Variants in PXDN observed in about 807,000 individuals in gnomAD.
The protein encoded by PXDN is peroxidasin.
PXDN carries 77 observed loss-of-function variants against 140.3 expected under a neutral mutation model. That is an observed-to-expected ratio of 0.55 (90% confidence interval 0.46 to 0.66). The LOEUF is 0.66. PXDN is among the 30% of genes least tolerant of loss of function. The probability of loss-of-function intolerance (pLI) is 0.00; values close to 1 mark genes in which losing one functional copy is unlikely to be tolerated. For missense variants in PXDN, 1,838 were observed against 2,039.5 expected, an observed-to-expected ratio of 0.90 and a Z score of 1.90; for synonymous variants, 911 against 857.4, an observed-to-expected ratio of 1.06 and a Z score of -1.09.
chr2:1,716,440 GAAAAAAAAAAAAAAAAAAAAA>G (rs550784477), intron 1 of PXDN, among the ~76,000 whole-genome samples: 1 of 58,196 alleles, frequency 1.7e-5, no homozygotes, highest in Admixed American at 2.3e-4. Context: ...TCCATCTCAG[GAAAAAAAAAAAAAAAAAAAAA>G]AAAAAAAAAC....
chr2:1,672,084 T>C (rs939666838), intron 9 of PXDN: 8 of 152,236 alleles, frequency 5.3e-5, no homozygotes, highest in Admixed American at 3.3e-4. Flanking sequence ...CAGGCTGCAG[T>C]GTGTCAGCCT....
chr2:1,708,937 AAC>A (rs1370869096), intron 1 of PXDN, among the ~76,000 whole-genome samples: 3 of 152,142 alleles, frequency 2.0e-5, no homozygotes, highest in Admixed American at 1.3e-4. Flanking sequence ...CTGGCTCCAA[AAC>A]ACAGTCCTGC....
intron 4 of PXDN, among the ~76,000 whole-genome samples, chr2:1,686,459 T>G (rs1281324438): frequency 6.6e-6 from 1 of 152,118 alleles, no homozygotes; most frequent in African/African-American, 2.4e-5. Context: ...AAAATAACAC[T>G]GGACTCACCC....
chr2:1,682,789 A>C (rs1386384711), intron 6 of PXDN, among the ~76,000 whole-genome samples: 1 of 152,036 alleles, frequency 6.6e-6, no homozygotes, highest in Non-Finnish European at 1.5e-5. Flanking sequence ...AAAATACCAA[A>C]ATTAGCCAGG....
At chr2:1,642,804 G>A (rs935392157) in intron 19 of PXDN, among the ~76,000 whole-genome samples, 8 of 152,314 alleles carry the variant, frequency 5.3e-5, no homozygotes, top group African/African-American at 1.9e-4. Flanking sequence ...GCACTCCAGG[G>A]CACGAGTGCC....
At chr2:1,732,388 C>T (rs1386645106) in intron 1 of PXDN, among the ~76,000 whole-genome samples, 3 of 152,092 alleles carry the variant, frequency 2.0e-5, no homozygotes, top group Non-Finnish European at 4.4e-5. Flanking sequence ...AAAGAGCCAC[C>T]CAAATGGAGT....
Position 1,744,372 on chromosome 2 carries a change from C to T in PXDN, c.84G>A (p.Val28=). The T allele has an allele frequency of 6.5e-7, 1 of 1,526,766 alleles. No individual in the cohort carries two copies. The highest frequency in any genetic ancestry group is 1.2e-5 in the South Asian group (1 of 83,172). 94.6% of individuals were successfully genotyped at this position (1,526,766 alleles called of 1,614,324 possible). Reference sequence around the variant, plus strand: ...GACACCCTGCGCCCGGCTTCTGGGCCACCACGGCCAGCGTCCCCCAGGCGC... The same window carrying T: ...GACACCCTGCGCCCGGCTTCTGGGCTACCACGGCCAGCGTCCCCCAGGCGC... ...LFCAWGTLAV[V]AQKPGAGCPS... Residue 28 remains valine (V), a synonymous_variant, in exon 1 of 23, where the codon GTG becomes GTA. Transcript: ENST00000252804.
Position 1,648,306 on chromosome 2 carries a change from G to A in PXDN, c.3474C>T (p.Asn1158=). The stretch of plus-strand genomic sequence containing the variant: ...TCCCGTGGTCCCGGCCCCGCTGGAT[G>A]TTGATGGCCGCCAGGTCCAGAGCCA... The part of the protein sequence containing the change: ...HTVALDLAAI[N]IQRGRDHGIP... Residue 1158 remains asparagine (N), a synonymous_variant, in exon 17 of 23, where the codon AAC becomes AAT. Coordinates refer to ENST00000252804, the MANE Select transcript of PXDN (RefSeq NM_012293.3). This position sits in a 1 kb window ranked among gnomAD's most constrained non-coding sequence, Gnocchi z 8.9. 2 of 1,613,920 alleles carry A rather than the reference G, an allele frequency of 1.2e-6. No homozygotes were observed. The highest frequency in any genetic ancestry group is 1.7e-6 in the Non-Finnish European group (2 of 1,179,892).
chr2:1,634,414 G>A, intron 22 of PXDN, 91 bp from the exon 23 acceptor site: 5 of 1,462,784 alleles, frequency 3.4e-6, no homozygotes, highest in Non-Finnish European at 1.8e-6. Flanking sequence ...TGTCAGCCAC[G>A]GCCATGAGTC....
At position 1,664,922 on chromosome 2, in the gene PXDN, C is replaced by G. The variant is rs542259278; in HGVS notation, c.1408+36G>C. 8 of 1,501,240 alleles carry G rather than the reference C, an allele frequency of 5.3e-6. No homozygotes were observed. The South Asian group carries it at 7.0e-5, about 13-fold the overall frequency. 93.0% of individuals were successfully genotyped at this position (1,501,240 alleles called of 1,614,324 possible). ...TGTGTGCTTCCTGCGTCTGTGGCCG[C>G]GGAGGGAGCAGGCAAAGGGCCGGCC... On this transcript the variant is annotated intron_variant, in intron 11 of 22. Coordinates refer to ENST00000252804, the MANE Select transcript of PXDN (RefSeq NM_012293.3).
intron 9 of PXDN, among the ~76,000 whole-genome samples, chr2:1,672,510 C>T (rs1683600265): frequency 6.6e-6 from 1 of 152,202 alleles, no homozygotes; most frequent in African/African-American, 2.4e-5. Flanking sequence ...GTCTTAACTT[C>T]TCTGCACAGG....
chr2:1,727,865 G>T (rs12714327), intron 1 of PXDN, among the ~76,000 whole-genome samples: 56,835 of 152,114 alleles, frequency 0.37, 11,902 homozygotes, highest in Admixed American at 0.49. Context: ...CTCCCCTAAA[G>T]AAGATTGGTT....
At chr2:1,692,243 C>T (rs1211475975) in intron 2 of PXDN, among the ~76,000 whole-genome samples, 1 of 152,322 alleles carries the variant, frequency 6.6e-6, no homozygotes, top group South Asian at 2.1e-4. Context: ...TTTGATACAG[C>T]GGAGAAAAAA....
intron 6 of PXDN, among the ~76,000 whole-genome samples, chr2:1,680,608 G>A (rs113982043): frequency 9.2e-5 from 14 of 152,308 alleles, no homozygotes; most frequent in African/African-American, 3.4e-4. Context: ...GGCACTAACC[G>A]TAGAGGCGTG....
Position 1,634,046 on chromosome 2 carries a change from G to A in PXDN, c.*158C>T, listed in dbSNP as rs116644216. The stretch of plus-strand genomic sequence containing the variant: ...TTCTCCGCAGATGCTCTGGTTGGAA[G>A]CCTCCTGCACTGCCTTCTGTAACAG... On this transcript the variant is annotated 3_prime_UTR_variant, in exon 23 of 23. Coordinates refer to ENST00000252804, the MANE Select transcript of PXDN (RefSeq NM_012293.3). The A allele has an allele frequency of 2.9e-3, 3,302 of 1,134,182 alleles. 59 individuals carry two copies. The African/African-American group carries it at 0.046, about 16-fold the overall frequency. 70.3% of individuals were successfully genotyped at this position (1,134,182 alleles called of 1,614,324 possible). A position where few individuals can be genotyped will look rare whatever the true frequency, so the allele number is the denominator to read the frequency against.
intron 12 of PXDN, among the ~76,000 whole-genome samples, chr2:1,663,002 C>T (rs958807910): frequency 8.5e-5 from 13 of 152,216 alleles, no homozygotes; most frequent in Non-Finnish European, 1.6e-4. Flanking sequence ...GCCTGCAACA[C>T]GGGGGCTGGG....
chr2:1,661,537 GGATGCAGGTGGA>G lies in PXDN; in HGVS notation c.1681-512_1681-501del, dbSNP rs1489457429. Among the ~76,000 whole-genome samples the G allele has an allele frequency of 3.5e-5, 3 of 85,258 alleles. No homozygotes were observed. In the Admixed American group the frequency reaches 4.8e-4, roughly 14 times the overall value. 55.9% of individuals were successfully genotyped at this position (85,258 alleles called of 152,430 possible). On this transcript the variant is annotated intron_variant, in intron 13 of 22. Coordinates refer to ENST00000252804, the MANE Select transcript of PXDN (RefSeq NM_012293.3). ...CACAGAGATTCACAGGGCAGTGCAG[GGATGCAGGTGGA>G]GGATGGGACCATCTCCGCTGAGCAC...
Position 1,685,252 on chromosome 2 carries a change from G to A in PXDN, c.417-1101C>T, listed in dbSNP as rs933565228. 2.6e-5 allele frequency among the ~76,000 whole-genome samples: 4 copies of A among 152,224 alleles called. No individual in the cohort carries two copies. The highest frequency in any genetic ancestry group is 4.4e-5 in the Non-Finnish European group (3 of 68,036). On this transcript the variant is annotated intron_variant, in intron 4 of 22. Coordinates refer to ENST00000252804, the MANE Select transcript of PXDN (RefSeq NM_012293.3). This position sits in a 1 kb window ranked among gnomAD's most constrained non-coding sequence, Gnocchi z 5.1. ...CATCCCTGCCCCTTGCCCCGGGACA[G>A]GTCTGTGCTCAGCACTCCGCGCACG...
intron 1 of PXDN, among the ~76,000 whole-genome samples, chr2:1,743,682 A>G (rs1244034360): frequency 6.0e-5 from 1 of 16,800 alleles, no homozygotes; most frequent in Non-Finnish European, 1.2e-4. Context: ...AGGAGGAGGA[A>G]GGGGAGGAGG....
Sources: allele counts gnomAD v4.1 joint callset (sites outside exome capture counted in the v4.1 genomes callset), GRCh38; gene constraint gnomAD v4.1.1; non-coding constraint Gnocchi (gnomAD v3.1); transcripts MANE v1.5; gene names NCBI Gene and HGNC (gene_info 2026-07-23, HGNC 2026-07-21).